Variants in CAPRIN1 observed in about 807,000 individuals in gnomAD.
CAPRIN1 encodes the protein caprin-1.
CAPRIN1 carries 29 observed loss-of-function variants against 100.9 expected under a neutral mutation model. The ratio of observed to expected loss-of-function variants is 0.29; its 90% CI spans 0.21 to 0.39. The LOEUF (loss-of-function observed/expected upper bound fraction) is 0.39. CAPRIN1 is among the 10% of genes least tolerant of loss of function. The pLI, the probability that CAPRIN1 is intolerant of heterozygous loss-of-function variation, is 1.00. For missense variants in CAPRIN1, 795 were observed against 876.7 expected, an observed-to-expected ratio of 0.91 and a Z score of 1.18; for synonymous variants, 338 against 307.5, an observed-to-expected ratio of 1.10 and a Z score of -1.04.
intron 2 of CAPRIN1, among the ~76,000 whole-genome samples, chr11:34,055,037 A>G (rs903652620): frequency 6.6e-6 from 1 of 152,176 alleles, no homozygotes; most frequent in Admixed American, 6.5e-5. Context: ...TGAAAAAAAA[A>G]TATAAATCTA....
chr11:34,067,491 TG>T (rs957786025), intron 2 of CAPRIN1, among the ~76,000 whole-genome samples: 20 of 151,772 alleles, frequency 1.3e-4, no homozygotes, highest in Admixed American at 7.9e-4. Flanking sequence ...AATGCACAGT[TG>T]TTTTTTTTTT....
At chr11:34,076,917 T>TACTA (rs960932961) in intron 6 of CAPRIN1, among the ~76,000 whole-genome samples, 6 of 152,044 alleles carry the variant, frequency 3.9e-5, no homozygotes, top group African/African-American at 1.4e-4. Flanking sequence ...GTATTTTTAG[T>TACTA]AGAGACAGGG....
At position 34,071,794 on chromosome 11, in the gene CAPRIN1, G is replaced by A; in HGVS notation, c.279+6G>A. The A allele has an allele frequency of 6.8e-7, 1 of 1,469,246 alleles. No homozygotes were observed. Among genetic ancestry groups the A allele is most frequent in the Non-Finnish European group, 9.0e-7 (1 of 1,112,670 alleles). The allele number at this position is 1,469,246 out of a possible 1,614,324, so 91.0% of individuals were successfully genotyped here. On this transcript the variant is annotated splice_donor_region_variant and intron_variant, in intron 3 of 18. Transcript: ENST00000341394. ...GGCTTAATCAAGATCAGCTGGTAAA[G>A]ATGTTATATTTTTTATTTTAGACCT...
At chr11:34,090,753 G>A in intron 14 of CAPRIN1, 75 bp downstream of exon 14, 2 of 1,368,014 alleles carry the variant, frequency 1.5e-6, no homozygotes, top group East Asian at 2.4e-5. Flanking sequence ...TTTTTTAAAG[G>A]TCTTCATTTA....
At chr11:34,087,809 T>C (rs1851178147) in intron 11 of CAPRIN1, among the ~76,000 whole-genome samples, 1 of 152,204 alleles carries the variant, frequency 6.6e-6, no homozygotes, top group African/African-American at 2.4e-5. Flanking sequence ...CCTGTAAGGC[T>C]ATTTAGTTAT....
At chr11:34,092,085 T>A (rs749277860) in intron 15 of CAPRIN1, 29 bp downstream of exon 15, 1 of 1,607,192 alleles carries the variant, frequency 6.2e-7, no homozygotes, top group Non-Finnish European at 8.5e-7. Context: ...CCTCATTGGC[T>A]CCTTGCTTTC....
At chr11:34,082,243 A>G (rs557200824) in intron 7 of CAPRIN1, among the ~76,000 whole-genome samples, 48 of 152,062 alleles carry the variant, frequency 3.2e-4, no homozygotes, top group African/African-American at 1.1e-3. Flanking sequence ...GTTGGAGCAC[A>G]ATGGCCTGAT....
At chr11:34,084,015 G>A (rs781079427) in intron 9 of CAPRIN1, among the ~76,000 whole-genome samples, 34 of 152,154 alleles carry the variant, frequency 2.2e-4, no homozygotes, top group Non-Finnish European at 4.7e-4. Context: ...GTTGTAGTGA[G>A]CTGAGATCGT....
At chr11:34,083,099 C>T in intron 9 of CAPRIN1, 58 bp downstream of exon 9, 1 of 1,137,048 alleles carries the variant, frequency 8.8e-7, no homozygotes, top group Non-Finnish European at 1.3e-6. Context: ...TAATTTTTAT[C>T]TCTACTGAGA....
At position 34,100,386 on chromosome 11, in the gene CAPRIN1, T is replaced by C. The variant is rs1851436491; in HGVS notation, c.*1019T>C. The C allele has an allele frequency of 1.3e-5, 2 of 152,220 alleles. No homozygotes were observed. Among genetic ancestry groups the C allele is most frequent in the African/African-American group, 4.8e-5 (2 of 41,470 alleles). 9.4% of individuals were successfully genotyped at this position (152,220 alleles called of 1,614,324 possible). The stretch of plus-strand genomic sequence containing the variant: ...TGCCTGCTGCTACCACCCTTTTCAA[T>C]TGCTATCTTTTGAAAGGCACCAGTA... On this transcript the variant is annotated 3_prime_UTR_variant, in exon 19 of 19. Coordinates refer to ENST00000341394, the MANE Select transcript of CAPRIN1 (RefSeq NM_005898.5).
At chr11:34,062,984 T>A (rs1850613360) in intron 2 of CAPRIN1, 1 of 152,230 alleles carries the variant, frequency 6.6e-6, no homozygotes, top group Non-Finnish European at 1.5e-5. Flanking sequence ...TATTTATTTT[T>A]AATTGCATAA....
chr11:34,053,524 G>C (rs768520608), intron 2 of CAPRIN1: 1 of 151,800 alleles, frequency 6.6e-6, no homozygotes, highest in East Asian at 1.9e-4. Flanking sequence ...TGCATTGTGA[G>C]CACAAAGCGA....
At chr11:34,072,785 A>T (rs1414974115) in intron 4 of CAPRIN1, among the ~76,000 whole-genome samples, 1 of 152,232 alleles carries the variant, frequency 6.6e-6, no homozygotes, top group Non-Finnish European at 1.5e-5. Context: ...AAATACAGGC[A>T]TGTACTCCAT....
At chr11:34,076,131 C>T (rs1850902194) in intron 4 of CAPRIN1, 105 bp from the exon 5 acceptor site, 8 of 708,216 alleles carry the variant, frequency 1.1e-5, no homozygotes, top group Non-Finnish European at 1.7e-5. Context: ...GAGGTCATAT[C>T]TCACTCATTG....
At chr11:34,079,905 G>GCTTTTTTTTT (rs1850980473) in intron 7 of CAPRIN1, 140 bp downstream of exon 7, 3 of 316,642 alleles carry the variant, frequency 9.5e-6, no homozygotes, top group African/African-American at 8.7e-5. Context: ...GCATGACAAA[G>GCTTTTTTTTT]TTTTTTTTTT....
chr11:34,066,418 C>T (rs920134625), intron 2 of CAPRIN1, among the ~76,000 whole-genome samples: 1 of 152,130 alleles, frequency 6.6e-6, no homozygotes, highest in African/African-American at 2.4e-5. Flanking sequence ...TCTGCAACCT[C>T]TGCCACCTGG....
At chr11:34,089,771 AG>A (rs1851227506) in intron 12 of CAPRIN1, among the ~76,000 whole-genome samples, 1 of 152,006 alleles carries the variant, frequency 6.6e-6, no homozygotes, top group Admixed American at 6.6e-5. Flanking sequence ...TTTTATGTTT[AG>A]GTTCATTTTT....
chr11:34,080,408 T>TCAAA (rs1851004492), intron 7 of CAPRIN1, among the ~76,000 whole-genome samples: 3 of 152,174 alleles, frequency 2.0e-5, no homozygotes, highest in Admixed American at 6.5e-5. Context: ...TCAAATAGGT[T>TCAAA]TCTGTCTGAC....
At chr11:34,092,353 G>C (rs982980709) in intron 15 of CAPRIN1, among the ~76,000 whole-genome samples, 4 of 150,754 alleles carry the variant, frequency 2.7e-5, no homozygotes, top group Non-Finnish European at 5.9e-5. Context: ...TTACCATAAA[G>C]TGTACTTTTT....
Sources: allele counts gnomAD v4.1 joint callset (sites outside exome capture counted in the v4.1 genomes callset), GRCh38; gene constraint gnomAD v4.1.1; transcripts MANE v1.5; gene names NCBI Gene and HGNC (gene_info 2026-07-23, HGNC 2026-07-21).